TSHZ3: variants seen among roughly 807,000 people sequenced by gnomAD.
TSHZ3 encodes the protein teashirt zinc finger homeobox 3.
Under a neutral mutation model 64.5 loss-of-function variants are expected in TSHZ3, and 10 were observed. The ratio of observed to expected loss-of-function variants is 0.16; its 90% CI spans 0.10 to 0.26. The LOEUF is 0.26. Ranked by LOEUF, TSHZ3 falls within the 10% of genes least tolerant of loss-of-function variation. The pLI, the probability that TSHZ3 is intolerant of heterozygous loss-of-function variation, is 1.00. For missense variants in TSHZ3, 1,242 were observed against 1,421.7 expected, an observed-to-expected ratio of 0.87 and a Z score of 2.03; for synonymous variants, 608 against 593.1, an observed-to-expected ratio of 1.03 and a Z score of -0.36.
At chr19:31,262,979 G>A (rs935620719) in intron 1 of TSHZ3, among the ~76,000 whole-genome samples, 4 of 152,242 alleles carry the variant, frequency 2.6e-5, no homozygotes, top group Non-Finnish European at 4.4e-5. Context: ...GACCTCAGGA[G>A]AGAAAACCCA....
In TSHZ3 at chr19:31,168,083, AC is replaced by A. The variant is rs1280192238; in HGVS notation, n.810-11667del. 5.3e-5 allele frequency among the ~76,000 whole-genome samples: 8 copies of A among 152,338 alleles called. No homozygotes were observed. The East Asian group carries it at 1.2e-3, about 22-fold the overall frequency. ...AATAATTAGATCAGAGATAGATGCC[AC>A]CTTTTCTCAGTGTTAAAACTGTGAG... On this transcript the variant is annotated intron_variant and non_coding_transcript_variant, in intron 5 of 6. Coordinates refer to the TSHZ3 transcript ENST00000651361.
chr19:31,215,274 T>C (rs1171490349), intron 4 of TSHZ3, among the ~76,000 whole-genome samples: 1 of 152,198 alleles, frequency 6.6e-6, no homozygotes, highest in African/African-American at 2.4e-5. Context: ...GAATCATCTG[T>C]CATAAATTGT....
intron 5 of TSHZ3, among the ~76,000 whole-genome samples, chr19:31,168,257 G>C (rs956964262): frequency 2.0e-5 from 3 of 152,026 alleles, no homozygotes; most frequent in African/African-American, 7.3e-5. Flanking sequence ...ATATGAATAC[G>C]CGTACGCACC....
At chr19:31,335,378 G>A (rs1225216807) in intron 1 of TSHZ3, among the ~76,000 whole-genome samples, 3 of 152,170 alleles carry the variant, frequency 2.0e-5, no homozygotes, top group Non-Finnish European at 2.9e-5. Flanking sequence ...CAGGTCTCAC[G>A]GAAGACAGGA....
At chr19:31,254,727 G>T (rs1371253098) in intron 1 of TSHZ3, among the ~76,000 whole-genome samples, 2 of 152,168 alleles carry the variant, frequency 1.3e-5, no homozygotes, top group Non-Finnish European at 2.9e-5. Context: ...CCCCATTCTG[G>T]GCTCCAACCT....
intron 5 of TSHZ3, among the ~76,000 whole-genome samples, chr19:31,161,865 T>C (rs570979860): frequency 1.3e-5 from 2 of 152,210 alleles, no homozygotes; most frequent in Admixed American, 6.5e-5. Flanking sequence ...GTGGGCTATA[T>C]GTAAATGAAG....
chr19:31,343,065 A>T (rs1406126917), intron 1 of TSHZ3, among the ~76,000 whole-genome samples: 3 of 152,202 alleles, frequency 2.0e-5, no homozygotes, highest in African/African-American at 7.2e-5. Context: ...ACAATCCTTT[A>T]TTCTCTTAGC....
rs1286041357 is a variant in TSHZ3, at chr19:31,276,406, T to C, written c.*141A>G. 2 of 795,498 alleles carry C rather than the reference T, an allele frequency of 2.5e-6. No individual in the cohort carries two copies. Among genetic ancestry groups the C allele is most frequent in the Non-Finnish European group, 4.0e-6 (2 of 499,252 alleles). 49.3% of individuals were successfully genotyped at this position (795,498 alleles called of 1,614,324 possible). ...ACCTCTATTAAACACTGTACAGTTA[T>C]ACAAAACAGTCCAGCCCAGAGTGAT... On this transcript the variant is annotated 3_prime_UTR_variant, in exon 2 of 2. Transcript: ENST00000240587.
intron 1 of TSHZ3, among the ~76,000 whole-genome samples, chr19:31,318,933 C>T (rs58642768): frequency 6.6e-6 from 1 of 152,192 alleles, no homozygotes; most frequent in Non-Finnish European, 1.5e-5. Flanking sequence ...CTGGTGCCTC[C>T]TCATGGGCTC....
chr19:31,209,014 T>C (rs1243477516), intron 4 of TSHZ3, among the ~76,000 whole-genome samples: 1 of 152,126 alleles, frequency 6.6e-6, no homozygotes, highest in African/African-American at 2.4e-5. Context: ...AGGTGTGTGA[T>C]GAGCAGAAGG....
chr19:31,312,998 T>A (rs1336752106), intron 1 of TSHZ3, among the ~76,000 whole-genome samples: 2 of 146,188 alleles, frequency 1.4e-5, no homozygotes, highest in Admixed American at 1.4e-4. Flanking sequence ...ACTTTCCTTT[T>A]AAAAATAAAT....
At chr19:31,180,849 C>T (rs1002608041) in intron 5 of TSHZ3, among the ~76,000 whole-genome samples, 10 of 152,158 alleles carry the variant, frequency 6.6e-5, no homozygotes, top group Admixed American at 1.3e-4. Flanking sequence ...TGCAGAGGCT[C>T]ACGCTGGGGC....
chr19:31,251,474 T>C (rs1975841222), intron 1 of TSHZ3, among the ~76,000 whole-genome samples: 1 of 152,182 alleles, frequency 6.6e-6, no homozygotes, highest in South Asian at 2.1e-4. Flanking sequence ...TGGGATATTT[T>C]GCACCTGTGC....
chr19:31,204,568 G>A (rs942707840), intron 5 of TSHZ3, among the ~76,000 whole-genome samples: 2 of 152,292 alleles, frequency 1.3e-5, no homozygotes, highest in Middle Eastern at 3.4e-3. Context: ...ACTTACCCCA[G>A]CCATGAGTAG....
intron 3 of TSHZ3, among the ~76,000 whole-genome samples, chr19:31,229,917 A>C (rs1160937442): frequency 6.6e-6 from 1 of 152,218 alleles, no homozygotes; most frequent in African/African-American, 2.4e-5. Flanking sequence ...GATTATGTAG[A>C]GCCTGGGAAA....
chr19:31,202,223 G>A (rs1304975109), intron 5 of TSHZ3, among the ~76,000 whole-genome samples: 1 of 151,938 alleles, frequency 6.6e-6, no homozygotes, highest in East Asian at 1.9e-4. Flanking sequence ...ATAAGCTAAT[G>A]TAGAACAATT....
At chr19:31,206,786 T>C (rs113727607) in intron 4 of TSHZ3, among the ~76,000 whole-genome samples, 46 of 152,320 alleles carry the variant, frequency 3.0e-4, no homozygotes, top group African/African-American at 1.0e-3. Flanking sequence ...AAAATGGCTA[T>C]AGGGTGACAG....
intron 5 of TSHZ3, among the ~76,000 whole-genome samples, chr19:31,190,394 CAG>C (rs1409011056): frequency 6.6e-6 from 1 of 152,150 alleles, no homozygotes; most frequent in Non-Finnish European, 1.5e-5. Context: ...TCAGCCAGGA[CAG>C]AGAAACCCCT....
At chr19:31,169,594 C>T (rs1253435724) in intron 5 of TSHZ3, among the ~76,000 whole-genome samples, 1 of 152,092 alleles carries the variant, frequency 6.6e-6, no homozygotes, top group Non-Finnish European at 1.5e-5. Context: ...GAGTTGTACA[C>T]TTAAAAATGG....
Sources: gnomAD v4.1 joint callset for allele counts (sites outside exome capture counted in the v4.1 genomes callset) on GRCh38, gnomAD v4.1.1 for gene constraint, MANE v1.5 for transcripts, NCBI Gene and HGNC (gene_info 2026-07-23, HGNC 2026-07-21) for gene names.